Variants in HOPX observed in about 807,000 individuals in gnomAD.
HOPX encodes HOP homeobox.
Under a neutral mutation model 11.8 loss-of-function variants are expected in HOPX, and 5 were observed. The observed-to-expected ratio is 0.43, with a 90% CI of 0.22 to 0.89. The LOEUF (loss-of-function observed/expected upper bound fraction) is 0.89. Ranked by LOEUF, HOPX falls within the 40% of genes least tolerant of loss-of-function variation. The probability of loss-of-function intolerance (pLI) is 0.28; values close to 1 mark genes in which losing one functional copy is unlikely to be tolerated. For missense variants in HOPX, 119 were observed against 120.0 expected, an observed-to-expected ratio of 0.99 and a Z score of 0.04; for synonymous variants, 49 against 49.7, an observed-to-expected ratio of 0.99 and a Z score of 0.06.
In HOPX at chr4:56,655,124, G is replaced by A. The variant is rs1000490598; in HGVS notation, c.198+733C>T. 2.0e-5 allele frequency among the ~76,000 whole-genome samples: 3 copies of A among 152,178 alleles called. No homozygotes were observed. The East Asian group carries it at 5.8e-4, about 29-fold the overall frequency. ...AGATAAGTCAATGAATGCACTTAGG[G>A]GGACATCGGCTGCCGCTGCCGTCAG... On this transcript the variant is annotated intron_variant, in intron 3 of 3. Transcript: ENST00000420433.
chr4:56,652,477 A>G (rs1717295399), intron 3 of HOPX, among the ~76,000 whole-genome samples: 1 of 152,064 alleles, frequency 6.6e-6, no homozygotes, highest in African/African-American at 2.4e-5. Flanking sequence ...GGCTTTAGTG[A>G]CCCTTTCCCA....
At chr4:56,663,538 T>C (rs4515220) in intron 1 of HOPX, 48,708 of 152,114 alleles carry the variant, frequency 0.32, 8,481 homozygotes, top group African/African-American at 0.47. Flanking sequence ...CAGGCTGGTG[T>C]GCAGTGGCAC....
At position 56,655,821 on chromosome 4, in the gene HOPX, G is replaced by C. The variant is rs775957305; in HGVS notation, c.198+36C>G. The C allele has an allele frequency of 7.5e-6, 12 of 1,600,470 alleles. No homozygotes were observed. In the East Asian group the frequency reaches 2.5e-4, roughly 33 times the overall value. On this transcript the variant is annotated intron_variant, in intron 3 of 3. Transcript: ENST00000420433. ...GCCGCGAGAAGGCTCAGCCCAGGCA[G>C]GGGTCGGGGCGCGCTGGGCGCGTGT...
chr4:56,653,335 G>A (rs1342890803), intron 3 of HOPX, among the ~76,000 whole-genome samples: 1 of 152,146 alleles, frequency 6.6e-6, no homozygotes, highest in Non-Finnish European at 1.5e-5. Context: ...GGGATTACAG[G>A]TGTGAGCTAC....
At chr4:56,667,358 G>A (rs1718492025) in intron 1 of HOPX, among the ~76,000 whole-genome samples, 1 of 152,084 alleles carries the variant, frequency 6.6e-6, no homozygotes, top group African/African-American at 2.4e-5. Context: ...GACAAATCTA[G>A]CCTCTTCTCT....
rs1196788559 is a variant in HOPX at position 56,673,717 on chromosome 4, AGT to A, written c.-84+7536_-84+7537del. Among the ~76,000 whole-genome samples the A allele has an allele frequency of 3.3e-5, 5 of 152,006 alleles. No individual in the cohort carries two copies. In the East Asian group the frequency reaches 7.7e-4, roughly 24 times the overall value. On this transcript the variant is annotated intron_variant, in intron 1 of 3. Transcript: ENST00000420433. ...CTGTGTTCCTTATAGATCTGATTTG[AGT>A]GTGTGTGTGTAGTCTCGCTCTGTCA...
chr4:56,665,965 G>T (rs4074737), intron 1 of HOPX, among the ~76,000 whole-genome samples: 1 of 152,018 alleles, frequency 6.6e-6, no homozygotes, highest in Non-Finnish European at 1.5e-5. Context: ...TGTGGTGAAA[G>T]GGGCAGTAGA....
At chr4:56,666,419 C>G (rs752345415) in intron 1 of HOPX, among the ~76,000 whole-genome samples, 1 of 152,196 alleles carries the variant, frequency 6.6e-6, no homozygotes, top group Non-Finnish European at 1.5e-5. Flanking sequence ...TCCAGACTTT[C>G]TGTAGCCGCT....
At chr4:56,653,386 T>A (rs1425627543) in intron 3 of HOPX, among the ~76,000 whole-genome samples, 1 of 152,098 alleles carries the variant, frequency 6.6e-6, no homozygotes, top group African/African-American at 2.4e-5. Flanking sequence ...GGAGATACTC[T>A]TTAAAAATAT....
intron 1 of HOPX, among the ~76,000 whole-genome samples, chr4:56,674,809 G>A (rs182384826): frequency 1.9e-4 from 29 of 150,864 alleles, no homozygotes; most frequent in African/African-American, 4.4e-4. Flanking sequence ...CAGTGGCATC[G>A]TGATCATAGC....
At chr4:56,650,844 G>C (rs1320479592) in intron 3 of HOPX, 1 of 1,513,224 alleles carries the variant, frequency 6.6e-7, no homozygotes, top group Non-Finnish European at 8.9e-7. Flanking sequence ...ATGTAACTTT[G>C]GCAGCTTCAA....
chr4:56,660,733 C>A (rs538333609), intron 1 of HOPX, among the ~76,000 whole-genome samples: 1 of 152,192 alleles, frequency 6.6e-6, no homozygotes, highest in East Asian at 1.9e-4. Context: ...ATTTTTCATG[C>A]AAACATGATT....
intron 3 of HOPX, among the ~76,000 whole-genome samples, 175 bp downstream of exon 3, chr4:56,655,682 G>A (rs1578332662): frequency 6.6e-6 from 1 of 152,318 alleles, no homozygotes; most frequent in Non-Finnish European, 1.5e-5. Flanking sequence ...CGGGGAAGCG[G>A]GGAGGCGGCG....
Position 56,648,278 on chromosome 4 carries a change from A to G in HOPX, c.*442T>C, listed in dbSNP as rs1343635264. 1 of 153,804 alleles carries G rather than the reference A, an allele frequency of 6.5e-6. No individual in the cohort carries two copies. Among genetic ancestry groups the G allele is most frequent in the Non-Finnish European group, 1.4e-5 (1 of 69,156 alleles). 9.5% of individuals were successfully genotyped at this position (153,804 alleles called of 1,614,324 possible). On this transcript the variant is annotated 3_prime_UTR_variant, in exon 4 of 4. Transcript: ENST00000420433. Reference sequence around the variant, plus strand: ...TGTATTTTCACTCAACCATCATTGTATTAGATGATACATAAGGAAAGTGAC... The same window carrying G: ...TGTATTTTCACTCAACCATCATTGTGTTAGATGATACATAAGGAAAGTGAC...
At chr4:56,653,570 T>C (rs544357226) in intron 3 of HOPX, among the ~76,000 whole-genome samples, 4 of 152,254 alleles carry the variant, frequency 2.6e-5, no homozygotes, top group African/African-American at 9.6e-5. Flanking sequence ...TGCTAAGTGC[T>C]GCCTGTCTCT....
chr4:56,681,081 C>A, intron 1 of HOPX, 174 bp downstream of exon 1: 1 of 985,146 alleles, frequency 1.0e-6, no homozygotes, highest in Non-Finnish European at 1.2e-6. Flanking sequence ...TGATGTCTTA[C>A]ACCCAGCAGC....
chr4:56,660,175 G>T (rs1262613312), intron 1 of HOPX, among the ~76,000 whole-genome samples: 1 of 152,118 alleles, frequency 6.6e-6, no homozygotes, highest in Admixed American at 6.5e-5. Flanking sequence ...AAAAGATTTG[G>T]CAGTCTTAAG....
At position 56,656,315 on chromosome 4, in the gene HOPX, G is replaced by A. The variant is rs1046240344; in HGVS notation, c.43-303C>T. 3.6e-6 allele frequency: 4 copies of A among 1,099,914 alleles called. No individual in the cohort carries two copies. In the African/African-American group the frequency reaches 6.6e-5, roughly 18 times the overall value. 68.1% of individuals were successfully genotyped at this position (1,099,914 alleles called of 1,614,324 possible). Reference sequence around the variant, plus strand: ...GTATCCCTGCCTGCGACGGGGGCGAGATAGATGATTCCGCGGGCCCTCACC... The same window carrying A: ...GTATCCCTGCCTGCGACGGGGGCGAAATAGATGATTCCGCGGGCCCTCACC... On this transcript the variant is annotated intron_variant, in intron 2 of 3. Transcript: ENST00000420433.
intron 1 of HOPX, among the ~76,000 whole-genome samples, chr4:56,661,380 A>AT (rs915059244): frequency 2.6e-5 from 4 of 151,854 alleles, no homozygotes; most frequent in Non-Finnish European, 4.4e-5. Flanking sequence ...TTGTTTCCAG[A>AT]TTTTTTTCTG....
Sources: allele counts gnomAD v4.1 joint callset (sites outside exome capture counted in the v4.1 genomes callset), GRCh38; gene constraint gnomAD v4.1.1; transcripts MANE v1.5; gene names NCBI Gene and HGNC (gene_info 2026-07-23, HGNC 2026-07-21).